The following LIPK variants were observed in gnomAD, a reference collection of about 807,000 sequenced individuals.
The protein encoded by LIPK is lipase family member K.
A neutral mutation model predicts 48.6 loss-of-function variants in LIPK; 32 were observed. That is an observed-to-expected ratio of 0.66 (90% CI 0.50 to 0.88). LIPK has a LOEUF of 0.88. Ranked by LOEUF, LIPK falls within the 40% of genes least tolerant of loss-of-function variation. LIPK has a pLI of 0.00. For missense variants in LIPK, 507 were observed against 478.5 expected, an observed-to-expected ratio of 1.06 and a Z score of -0.56; for synonymous variants, 164 against 157.4, an observed-to-expected ratio of 1.04 and a Z score of -0.32.
intron 1 of LIPK, among the ~76,000 whole-genome samples, chr10:88,708,275 T>C (rs1467751117): frequency 6.6e-6 from 1 of 152,078 alleles, no homozygotes; most frequent in Admixed American, 6.6e-5. Context: ...GCTATTATTA[T>C]AAGGATGATT....
At chr10:88,729,355 A>G (rs1842420228) in intron 3 of LIPK, among the ~76,000 whole-genome samples, 1 of 151,986 alleles carries the variant, frequency 6.6e-6, no homozygotes, top group South Asian at 2.1e-4. Context: ...CATGTCGAAT[A>G]ACAAAACTTC....
intron 9 of LIPK, among the ~76,000 whole-genome samples, chr10:88,751,505 G>A (rs927067576): frequency 2.6e-5 from 4 of 152,068 alleles, no homozygotes; most frequent in Admixed American, 1.3e-4. Flanking sequence ...GATTACAGGC[G>A]TGAGCCACCA....
chr10:88,751,851 G>A (rs1433618314), intron 9 of LIPK, among the ~76,000 whole-genome samples: 1 of 152,116 alleles, frequency 6.6e-6, no homozygotes, highest in Non-Finnish European at 1.5e-5. Context: ...AGGGACCTCT[G>A]GCCCAGTTTT....
chr10:88,752,548 T>A lies in LIPK; in HGVS notation c.992T>A (p.Met331Lys). ...LTPPLYNITKMEVPTAIWNGG... is the reference protein window; with the variant it reads ...LTPPLYNITKKEVPTAIWNGG... ...CCTCCTTTATACAACATTACTAAGA[T>A]GGAAGTTCCAACAGCAATATGGAAT... Residue 331 changes from methionine (M) to lysine (K), a missense_variant, in exon 10 of 10, where the codon ATG (methionine) becomes AAG (lysine). Met to Lys is a moderately conservative substitution (Grantham distance 95). Transcript: ENST00000404190. 6.4e-7 allele frequency: 1 copy of A among 1,560,966 alleles called. No individual in the cohort carries two copies. The highest frequency in any genetic ancestry group is 1.9e-5 in the Admixed American group (1 of 52,806).
intron 7 of LIPK, 22 bp from the exon 8 acceptor site, chr10:88,739,974 A>C: frequency 7.7e-6 from 12 of 1,567,882 alleles, no homozygotes; most frequent in Non-Finnish European, 1.1e-5. Context: ...TAGCCTCTAG[A>C]TGAGAAGTAA....
chr10:88,741,327 C>T (rs757756560), intron 8 of LIPK, among the ~76,000 whole-genome samples: 7 of 152,164 alleles, frequency 4.6e-5, no homozygotes, highest in Non-Finnish European at 7.4e-5. Flanking sequence ...TGGGTTTAAG[C>T]AATCCTCCCA....
intron 1 of LIPK, among the ~76,000 whole-genome samples, chr10:88,719,998 T>A (rs1164884348): frequency 6.6e-6 from 1 of 152,190 alleles, no homozygotes; most frequent in Non-Finnish European, 1.5e-5. Context: ...CAAACATGCA[T>A]CAAGGCAATA....
intron 1 of LIPK, among the ~76,000 whole-genome samples, chr10:88,710,118 TC>T (rs1470228098): frequency 6.6e-6 from 1 of 151,898 alleles, no homozygotes; most frequent in Admixed American, 6.6e-5. Context: ...AATGGACTTA[TC>T]TACAAGATTA....
chr10:88,739,951 A>T, intron 7 of LIPK, 45 bp from the exon 8 acceptor site: 1 of 1,184,930 alleles, frequency 8.4e-7, no homozygotes, highest in Non-Finnish European at 1.2e-6. Flanking sequence ...TACTTGTGGT[A>T]TGATGATATG....
chr10:88,729,691 G>A (rs1313319212), intron 3 of LIPK, among the ~76,000 whole-genome samples: 1 of 152,140 alleles, frequency 6.6e-6, no homozygotes, highest in Non-Finnish European at 1.5e-5. Context: ...CTTAACTTTG[G>A]CAGAGTTAGT....
intron 1 of LIPK, among the ~76,000 whole-genome samples, chr10:88,711,799 G>C (rs1412003847): frequency 2.0e-5 from 3 of 151,920 alleles, no homozygotes; most frequent in Admixed American, 2.0e-4. Flanking sequence ...TGTTTTTGAA[G>C]AACAGAAGTT....
At chr10:88,724,762 C>A in intron 2 of LIPK, 114 bp downstream of exon 2, 2 of 666,256 alleles carry the variant, frequency 3.0e-6, no homozygotes, top group Non-Finnish European at 5.1e-6. Context: ...GTGACTAAGT[C>A]TGTGCTTCCT....
chr10:88,736,328 G>C (rs575197600), intron 6 of LIPK, among the ~76,000 whole-genome samples: 1 of 152,254 alleles, frequency 6.6e-6, no homozygotes, highest in South Asian at 2.1e-4. Flanking sequence ...TTATCTGATT[G>C]ATTCCAGACT....
chr10:88,741,401 C>T (rs115718086), intron 8 of LIPK, among the ~76,000 whole-genome samples: 2,430 of 152,174 alleles, frequency 0.016, 66 homozygotes, highest in African/African-American at 0.056. Flanking sequence ...ACGTTTGTTT[C>T]TTTTTACAAA....
At chr10:88,731,643 C>T (rs763027162) in intron 4 of LIPK, among the ~76,000 whole-genome samples, 1 of 152,196 alleles carries the variant, frequency 6.6e-6, no homozygotes, top group African/African-American at 2.4e-5. Flanking sequence ...TTCTGGAAAC[C>T]ACTGGGATTT....
chr10:88,707,310 G>C (rs866514), intron 1 of LIPK, among the ~76,000 whole-genome samples: 8 of 151,874 alleles, frequency 5.3e-5, no homozygotes, highest in Admixed American at 1.3e-4. Context: ...ACTCTAAAAT[G>C]ACTTGGTTTC....
chr10:88,751,832 A>C (rs1842868356), intron 9 of LIPK, among the ~76,000 whole-genome samples: 1 of 152,128 alleles, frequency 6.6e-6, no homozygotes, highest in South Asian at 2.1e-4. Context: ...CTATGGCAAA[A>C]AGTTCTAGAG....
chr10:88,733,962 G>C (rs1842520550), intron 6 of LIPK, among the ~76,000 whole-genome samples: 1 of 152,220 alleles, frequency 6.6e-6, no homozygotes. Context: ...ATGGAAGGAA[G>C]TGGTGTCATG....
chr10:88,736,508 T>C (rs1453265660), intron 6 of LIPK, among the ~76,000 whole-genome samples: 1 of 152,146 alleles, frequency 6.6e-6, no homozygotes, highest in East Asian at 1.9e-4. Context: ...TTACTTCATG[T>C]TTTCAAGTGT....
Sources: allele counts gnomAD v4.1 joint callset (sites outside exome capture counted in the v4.1 genomes callset), GRCh38; gene constraint gnomAD v4.1.1; transcripts MANE v1.5; gene names NCBI Gene and HGNC (gene_info 2026-07-23, HGNC 2026-07-21).